The following MAST4 variants were observed in gnomAD, a reference collection of about 807,000 sequenced individuals.
The protein encoded by MAST4 is microtubule-associated serine/threonine-protein kinase 4.
Under a neutral mutation model 162.7 loss-of-function variants are expected in MAST4, and 89 were observed. The observed-to-expected ratio is 0.55, with a 90% CI of 0.46 to 0.65. The LOEUF is 0.65. Among genes scored for constraint, MAST4 ranks in the 30% least tolerant of loss-of-function variants. The pLI is 0.00. For synonymous variants in MAST4, 1,479 were observed against 1,361.1 expected (o/e 1.09, Z -1.91); for missense variants, 3,153 against 3,374.0 (o/e 0.93, Z 1.62).
intron 3 of MAST4, among the ~76,000 whole-genome samples, chr5:66,870,032 G>A (rs1171125257): frequency 6.6e-6 from 1 of 152,130 alleles, no homozygotes; most frequent in African/African-American, 2.4e-5. Flanking sequence ...TACCTTGGGT[G>A]GTGTGTTTGT....
chr5:66,645,342 G>A (rs1343674188), intron 1 of MAST4, among the ~76,000 whole-genome samples: 3 of 152,130 alleles, frequency 2.0e-5, no homozygotes, highest in African/African-American at 7.2e-5. Context: ...TATCTAAAAC[G>A]TGGCATTATA....
At chr5:66,735,998 T>C (rs553549578) in intron 1 of MAST4, among the ~76,000 whole-genome samples, 129 of 152,356 alleles carry the variant, frequency 8.5e-4, no homozygotes, top group African/African-American at 3.0e-3. Context: ...ACATTTAATC[T>C]TAGAGCAAAT....
chr5:67,120,375 T>C lies in MAST4; in HGVS notation c.1660-642T>C, dbSNP rs1178137843. On this transcript the variant is annotated intron_variant, in intron 13 of 28. Transcript: ENST00000403625. Reference sequence around the variant, plus strand: ...ACTCTTGCAGAGGGGAGCAAAGAGCTGGTAACTCCCTCTCCATGCTAAGAT... The same window carrying C: ...ACTCTTGCAGAGGGGAGCAAAGAGCCGGTAACTCCCTCTCCATGCTAAGAT... Among the ~76,000 whole-genome samples, 6 of 152,246 alleles carry C rather than the reference T, an allele frequency of 3.9e-5. No homozygotes were observed. The East Asian group carries it at 9.6e-4, about 24-fold the overall frequency.
chr5:66,700,272 A>G (rs1021339941), intron 1 of MAST4, among the ~76,000 whole-genome samples: 1 of 152,166 alleles, frequency 6.6e-6, no homozygotes, highest in African/African-American at 2.4e-5. Context: ...TGATTCTATT[A>G]TTTCATGATG....
chr5:66,635,020 G>T (rs1370353009), intron 1 of MAST4, among the ~76,000 whole-genome samples: 1 of 152,210 alleles, frequency 6.6e-6, no homozygotes, highest in Non-Finnish European at 1.5e-5. Flanking sequence ...TCTTTGAAAA[G>T]CTTTGGGCCT....
chr5:66,920,965 G>A (rs1180899180), intron 4 of MAST4, among the ~76,000 whole-genome samples: 1 of 152,086 alleles, frequency 6.6e-6, no homozygotes, highest in Non-Finnish European at 1.5e-5. Flanking sequence ...TGCTGTGACT[G>A]TGGAGTTTAT....
At chr5:66,750,628 C>A (rs188943997) in intron 1 of MAST4, among the ~76,000 whole-genome samples, 37 of 152,342 alleles carry the variant, frequency 2.4e-4, no homozygotes, top group South Asian at 4.1e-4. Flanking sequence ...TATCCCGCAC[C>A]TGGCTCTGAG....
At chr5:67,107,303 A>T (rs1765705859) in intron 10 of MAST4, among the ~76,000 whole-genome samples, 1 of 152,188 alleles carries the variant, frequency 6.6e-6, no homozygotes, top group Non-Finnish European at 1.5e-5. Flanking sequence ...AATTAAAATA[A>T]AATCTTACGG....
intron 3 of MAST4, among the ~76,000 whole-genome samples, chr5:66,845,126 T>TATATATATATATATACACAC (rs1358855625): frequency 2.5e-4 from 17 of 67,170 alleles, no homozygotes; most frequent in East Asian, 8.0e-4. Context: ...TATATATATA[T>TATATATATATATATACACAC]ACACACACAC....
intron 5 of MAST4, among the ~76,000 whole-genome samples, chr5:67,078,824 T>TTATATTTATATATTTAAATATATTTA: frequency 8.5e-6 from 1 of 118,174 alleles, no homozygotes; most frequent in East Asian, 2.1e-4. Context: ...ATTTTTATAT[T>TTATATTTATATATTTAAATATATTTA]TATATTTATA....
intron 3 of MAST4, among the ~76,000 whole-genome samples, chr5:66,889,202 A>G (rs1475885110): frequency 1.3e-5 from 2 of 152,304 alleles, no homozygotes; most frequent in Non-Finnish European, 2.9e-5. Flanking sequence ...AGAACTGAAA[A>G]AATTGTGGAG....
At chr5:66,722,181 C>A (rs531511123) in intron 1 of MAST4, among the ~76,000 whole-genome samples, 2 of 152,128 alleles carry the variant, frequency 1.3e-5, no homozygotes, top group Middle Eastern at 3.2e-3. Flanking sequence ...AAAATTCTTA[C>A]ATTTGACTTG....
At chr5:66,886,720 G>A (rs999737008) in intron 3 of MAST4, among the ~76,000 whole-genome samples, 7 of 149,640 alleles carry the variant, frequency 4.7e-5, no homozygotes, top group African/African-American at 1.7e-4. Flanking sequence ...GAAGAACTTG[G>A]TTAGTGTAAT....
At chr5:67,037,772 A>C (rs1036197437) in intron 4 of MAST4, among the ~76,000 whole-genome samples, 1 of 152,130 alleles carries the variant, frequency 6.6e-6, no homozygotes, top group Non-Finnish European at 1.5e-5. Flanking sequence ...CAAGGCTTTG[A>C]CAACAAGAGC....
chr5:67,140,842 G>C (rs899460255), intron 19 of MAST4, among the ~76,000 whole-genome samples: 2 of 152,242 alleles, frequency 1.3e-5, no homozygotes, highest in African/African-American at 4.8e-5. Context: ...TATTTTGCTA[G>C]AAATGTGGAA....
chr5:66,807,424 A>C (rs1756246447), intron 3 of MAST4, among the ~76,000 whole-genome samples: 1 of 152,010 alleles, frequency 6.6e-6, no homozygotes, highest in African/African-American at 2.4e-5. Flanking sequence ...TGAACCCGGG[A>C]AGCGGAGCTT....
chr5:66,900,205 C>T (rs1048741065), intron 4 of MAST4, among the ~76,000 whole-genome samples: 1 of 151,916 alleles, frequency 6.6e-6, no homozygotes, highest in Non-Finnish European at 1.5e-5. Flanking sequence ...ATTTATTCCT[C>T]GGAGAATCTT....
chr5:67,121,164 T>C, intron 14 of MAST4, 62 bp downstream of exon 14: 1 of 1,304,844 alleles, frequency 7.7e-7, no homozygotes. Context: ...ATATTTATTC[T>C]TAACATTTAT....
At chr5:66,924,552 T>C (rs973071474) in intron 4 of MAST4, among the ~76,000 whole-genome samples, 3 of 151,950 alleles carry the variant, frequency 2.0e-5, no homozygotes, top group African/African-American at 7.3e-5. Flanking sequence ...CGCCACCGCG[T>C]CCACCACCGC....
Sources: gnomAD v4.1 joint callset for allele counts (sites outside exome capture counted in the v4.1 genomes callset) on GRCh38, gnomAD v4.1.1 for gene constraint, MANE v1.5 for transcripts, NCBI Gene and HGNC (gene_info 2026-07-23, HGNC 2026-07-21) for gene names.